MAML2: variants seen among roughly 807,000 people sequenced by gnomAD.
MAML2 encodes mastermind-like protein 2.
Under a neutral mutation model 96.1 loss-of-function variants are expected in MAML2, and 22 were observed. That is an observed-to-expected ratio of 0.23 (90% CI 0.16 to 0.33). MAML2 has a LOEUF of 0.33. MAML2 is among the 10% of genes least tolerant of loss of function. The pLI is 1.00. For synonymous variants in MAML2, 561 were observed against 521.3 expected (o/e 1.08, Z -1.04); for missense variants, 1,367 against 1,392.4 (o/e 0.98, Z 0.29).
chr11:96,051,576 C>T (rs1464982107), intron 2 of MAML2, among the ~76,000 whole-genome samples: 1 of 152,094 alleles, frequency 6.6e-6, no homozygotes, highest in African/African-American at 2.4e-5. Context: ...AGATCTCATG[C>T]CCTCAACTAG....
At chr11:96,041,135 C>T (rs1206561717) in intron 2 of MAML2, among the ~76,000 whole-genome samples, 1 of 151,982 alleles carries the variant, frequency 6.6e-6, no homozygotes, top group Non-Finnish European at 1.5e-5. Flanking sequence ...ATTCTGAACA[C>T]ATGGATTTTG....
At position 95,978,468 on chromosome 11, in the gene MAML2, T is replaced by C. The variant is rs1194805503; in HGVS notation, c.*480A>G. 1 of 201,492 alleles carries C rather than the reference T, an allele frequency of 5.0e-6. No homozygotes were observed. The highest frequency in any genetic ancestry group is 1.0e-5 in the Non-Finnish European group (1 of 98,140). 12.5% of individuals were successfully genotyped at this position (201,492 alleles called of 1,614,324 possible). On this transcript the variant is annotated 3_prime_UTR_variant, in exon 5 of 5. Coordinates refer to ENST00000524717, the MANE Select transcript of MAML2 (RefSeq NM_032427.4). ...CAAACAAACCTATAACATTTCAATC[T>C]ATCCTGCAAGCTTCAGGAAAATTAA... is the stretch of plus-strand genomic sequence containing the variant.
chr11:96,321,781 T>C (rs1043361829), intron 1 of MAML2, among the ~76,000 whole-genome samples: 1 of 152,228 alleles, frequency 6.6e-6, no homozygotes, highest in African/African-American at 2.4e-5. Context: ...TCCCTCCACA[T>C]GTGTTTAATG....
At chr11:96,306,273 C>T (rs1863460519) in intron 1 of MAML2, among the ~76,000 whole-genome samples, 1 of 152,178 alleles carries the variant, frequency 6.6e-6, no homozygotes, top group Non-Finnish European at 1.5e-5. Flanking sequence ...CTCTTCTCTC[C>T]TCTTCCAAGA....
At chr11:96,025,340 C>A (rs1858499131) in intron 2 of MAML2, among the ~76,000 whole-genome samples, 1 of 152,064 alleles carries the variant, frequency 6.6e-6, no homozygotes, top group South Asian at 2.1e-4. Context: ...TGAGTAGGAG[C>A]TAAGCATTGG....
intron 1 of MAML2, among the ~76,000 whole-genome samples, chr11:96,095,079 A>G (rs1859802452): frequency 6.6e-6 from 1 of 152,204 alleles, no homozygotes; most frequent in Admixed American, 6.5e-5. Flanking sequence ...TAACTTGCCC[A>G]GGGTCACACA....
intron 1 of MAML2, among the ~76,000 whole-genome samples, chr11:96,108,683 C>T (rs370526178): frequency 3.3e-5 from 5 of 152,154 alleles, no homozygotes; most frequent in East Asian, 1.9e-4. Context: ...CTTACAACAA[C>T]GTTGAGAGAT....
At chr11:96,188,642 G>GTT (rs59712583) in intron 1 of MAML2, among the ~76,000 whole-genome samples, 198 of 148,454 alleles carry the variant, frequency 1.3e-3, no homozygotes, top group Middle Eastern at 7.0e-3. Flanking sequence ...GAGGAAGTCA[G>GTT]TTTTTTTTTT....
intron 1 of MAML2, among the ~76,000 whole-genome samples, chr11:96,327,275 T>G (rs750442436): frequency 2.0e-5 from 3 of 152,204 alleles, no homozygotes; most frequent in Admixed American, 6.5e-5. Context: ...GTCATCCTGT[T>G]AGTTAAAGCC....
At chr11:96,045,902 GT>G (rs60206394) in intron 2 of MAML2, among the ~76,000 whole-genome samples, 5,016 of 136,022 alleles carry the variant, frequency 0.037, 112 homozygotes, top group East Asian at 0.064. Context: ...GCACACTTCT[GT>G]TTTTTTTTTT....
chr11:96,155,739 G>C (rs147503576), intron 1 of MAML2, among the ~76,000 whole-genome samples: 177 of 151,192 alleles, frequency 1.2e-3, no homozygotes, highest in African/African-American at 4.0e-3. Context: ...TGCTCTCCTT[G>C]AATGTGTACA....
At chr11:96,248,439 A>G (rs1565262008) in intron 1 of MAML2, among the ~76,000 whole-genome samples, 1 of 152,124 alleles carries the variant, frequency 6.6e-6, no homozygotes, top group African/African-American at 2.4e-5. Flanking sequence ...TGGCTACTAG[A>G]AAATTTACAT....
intron 3 of MAML2, among the ~76,000 whole-genome samples, chr11:95,986,956 A>G (rs1857837964): frequency 6.6e-6 from 1 of 152,220 alleles, no homozygotes; most frequent in African/African-American, 2.4e-5. Context: ...CTAGGAACAC[A>G]GCTGTTGGCT....
At chr11:95,988,075 T>C (rs1857856156) in intron 3 of MAML2, among the ~76,000 whole-genome samples, 2 of 152,128 alleles carry the variant, frequency 1.3e-5, no homozygotes, top group South Asian at 2.1e-4. Context: ...TTCTTTCTTA[T>C]GTAATTAGGT....
At chr11:96,334,901 A>G (rs943202949) in intron 1 of MAML2, among the ~76,000 whole-genome samples, 1 of 152,194 alleles carries the variant, frequency 6.6e-6, no homozygotes, top group African/African-American at 2.4e-5. Context: ...GTTGTCCTCA[A>G]CCTGTGGAGA....
chr11:96,064,878 G>C (rs957220113), intron 2 of MAML2, among the ~76,000 whole-genome samples: 1 of 152,006 alleles, frequency 6.6e-6, no homozygotes, highest in Non-Finnish European at 1.5e-5. Context: ...ATTTTTTCTC[G>C]CTTTTCATAT....
intron 2 of MAML2, among the ~76,000 whole-genome samples, chr11:96,010,655 A>T (rs1010182970): frequency 6.6e-6 from 1 of 152,236 alleles, no homozygotes; most frequent in East Asian, 1.9e-4. Flanking sequence ...TGAACCAAAA[A>T]GTTATATACA....
intron 1 of MAML2, among the ~76,000 whole-genome samples, chr11:96,178,687 G>A (rs915146557): frequency 1.3e-5 from 2 of 152,152 alleles, no homozygotes; most frequent in Non-Finnish European, 2.9e-5. Flanking sequence ...AAAAACATAC[G>A]CAGCTGCAGC....
chr11:96,028,627 A>G (rs1357639719), intron 2 of MAML2, among the ~76,000 whole-genome samples: 1 of 152,246 alleles, frequency 6.6e-6, no homozygotes, highest in Non-Finnish European at 1.5e-5. Flanking sequence ...TGTAGAAAGA[A>G]TAAGTATTTG....
Sources: allele counts gnomAD v4.1 joint callset (sites outside exome capture counted in the v4.1 genomes callset), GRCh38; gene constraint gnomAD v4.1.1; transcripts MANE v1.5; gene names NCBI Gene and HGNC (gene_info 2026-07-23, HGNC 2026-07-21).